GATM: variants seen among roughly 807,000 people sequenced by gnomAD.
The protein encoded by GATM is glycine amidinotransferase, mitochondrial.
GATM carries 23 observed loss-of-function variants against 54.2 expected under a neutral mutation model. The observed-to-expected ratio is 0.42, with a 90% confidence interval of 0.31 to 0.60. GATM has a LOEUF of 0.60. GATM is among the 20% of genes least tolerant of loss of function. The pLI is 0.14. For missense variants in GATM, 401 were observed against 544.9 expected, an observed-to-expected ratio of 0.74 and a Z score of 2.63; for synonymous variants, 168 against 183.1, an observed-to-expected ratio of 0.92 and a Z score of 0.67.
At chr15:45,386,556 T>A (rs1342712240) in intron 3 of GATM, among the ~76,000 whole-genome samples, 3 of 152,218 alleles carry the variant, frequency 2.0e-5, no homozygotes, top group African/African-American at 7.2e-5. Context: ...CGCTGTGATC[T>A]GGCAGAACAG....
upstream of GATM, chr15:45,378,676 C>T: frequency 2.5e-6 from 1 of 399,178 alleles, no homozygotes; most frequent in Non-Finnish European, 4.5e-6. Flanking sequence ...TCGGGAAGCG[C>T]CGCGGCCGCT....
chr15:45,393,684 T>C (rs933365187), intron 3 of GATM, among the ~76,000 whole-genome samples: 1 of 152,146 alleles, frequency 6.6e-6, no homozygotes, highest in African/African-American at 2.4e-5. Flanking sequence ...CCAGAAGTGT[T>C]TTGGACTTTG....
At chr15:45,397,395 G>A (rs1186852182) in intron 2 of GATM, 1 of 152,024 alleles carries the variant, frequency 6.6e-6, no homozygotes, top group Non-Finnish European at 1.5e-5. Flanking sequence ...GAGGGACGGA[G>A]GCTGGAAATT....
At chr15:45,371,172 C>G (rs1326028206) in intron 2 of GATM, among the ~76,000 whole-genome samples, 1 of 152,160 alleles carries the variant, frequency 6.6e-6, no homozygotes. Context: ...ATCATAAATA[C>G]ATTGAGAAAT....
upstream of GATM, chr15:45,379,619 C>T (rs1169125046): frequency 2.0e-5 from 3 of 152,258 alleles, no homozygotes; most frequent in Non-Finnish European, 4.4e-5. Context: ...ATAGAATTTA[C>T]TGTCCCTAGC....
In GATM at chr15:45,368,349, T is replaced by C. The variant is rs928672912; in HGVS notation, c.485-89A>G. On this transcript the variant is annotated intron_variant, in intron 3 of 8. Coordinates refer to ENST00000396659, the MANE Select transcript of GATM (RefSeq NM_001482.3). The surrounding 1 kb of genome is among the most constrained non-coding windows in gnomAD (Gnocchi z 5.1). ...ATATAGGGCCAGGCACAGTGGCTCATGCCTGTAATCCCACCACTTTGGGAG... is the reference window on the plus strand; with the variant it reads ...ATATAGGGCCAGGCACAGTGGCTCACGCCTGTAATCCCACCACTTTGGGAG... The C allele has an allele frequency of 5.3e-6, 6 of 1,128,414 alleles. No homozygotes were observed. Among genetic ancestry groups the C allele is most frequent in the Non-Finnish European group, 7.9e-6 (6 of 761,232 alleles). 69.9% of individuals were successfully genotyped at this position (1,128,414 alleles called of 1,614,324 possible). A position where few individuals can be genotyped will look rare whatever the true frequency, so the allele number is the denominator to read the frequency against.
At chr15:45,402,222 G>C (rs1311296738), upstream of GATM, 2 of 663,670 alleles carry the variant, frequency 3.0e-6, no homozygotes, top group Non-Finnish European at 4.7e-6. Flanking sequence ...TCGATTTCAC[G>C]AAAGCGGACA....
chr15:45,388,738 T>G (rs978675587), intron 3 of GATM, among the ~76,000 whole-genome samples: 2 of 152,232 alleles, frequency 1.3e-5, no homozygotes, highest in East Asian at 3.8e-4. Flanking sequence ...TCAGGTAGTA[T>G]GTAATATTCT....
chr15:45,374,341 G>A (rs749083682), intron 2 of GATM, among the ~76,000 whole-genome samples: 1 of 152,192 alleles, frequency 6.6e-6, no homozygotes, highest in Non-Finnish European at 1.5e-5. Flanking sequence ...TTCTGATTCT[G>A]TAAAATCGCA....
At chr15:45,387,909 A>G (rs1009735503) in intron 3 of GATM, among the ~76,000 whole-genome samples, 3 of 152,336 alleles carry the variant, frequency 2.0e-5, no homozygotes, top group East Asian at 1.9e-4. Flanking sequence ...TTTGGAAAAC[A>G]GACTTTGATT....
chr15:45,388,842 T>A (rs1316816847), intron 3 of GATM, among the ~76,000 whole-genome samples: 1 of 152,236 alleles, frequency 6.6e-6, no homozygotes, highest in Non-Finnish European at 1.5e-5. Context: ...TTCCTTTTCA[T>A]ACTTTATTCT....
At chr15:45,371,593 A>G (rs1169921958) in intron 2 of GATM, among the ~76,000 whole-genome samples, 1 of 152,208 alleles carries the variant, frequency 6.6e-6, no homozygotes, top group Non-Finnish European at 1.5e-5. Flanking sequence ...AAACAGGGCA[A>G]GTTCTCATAT....
rs1163045526 is a variant in GATM, at chr15:45,369,390, T to C, written c.420A>G (p.Thr140=). 1 of 1,614,200 alleles carries C rather than the reference T, an allele frequency of 6.2e-7. No homozygotes were observed. The highest frequency in any genetic ancestry group is 1.7e-5 in the Admixed American group (1 of 60,026). The part of the protein sequence containing the change: ...MCNILKTEGV[T]VRRPDPIDWS... The stretch of plus-strand genomic sequence containing the variant: ...AGTCAATGGGGTCAGGCCTCCTTAC[T>C]GTCACTCCTTCCGTTTTTAAAATAT... The change falls in exon 3 of 9, where the codon ACA becomes ACG. Residue 140 remains threonine, a synonymous_variant. Coordinates refer to ENST00000396659, the MANE Select transcript of GATM (RefSeq NM_001482.3).
At chr15:45,378,048 A>C (rs1889670416) in intron 1 of GATM, 3 of 266,246 alleles carry the variant, frequency 1.1e-5, no homozygotes, top group African/African-American at 2.2e-5. Context: ...CCGAGCGGGA[A>C]GCTTGGTGCA....
At chr15:45,369,789 T>C in intron 2 of GATM, 1 of 462,808 alleles carries the variant, frequency 2.2e-6, no homozygotes, top group Non-Finnish European at 3.9e-6. Context: ...TAACAGCATG[T>C]TTACCTTCAG....
At chr15:45,381,199 C>T (rs941554144), upstream of GATM, among the ~76,000 whole-genome samples, 3 of 152,040 alleles carry the variant, frequency 2.0e-5, no homozygotes, top group Non-Finnish European at 4.4e-5. Context: ...CCATTAAATA[C>T]TTTGATTGAA....
chr15:45,396,105 C>T (rs1289328532), intron 3 of GATM: 1 of 152,176 alleles, frequency 6.6e-6, no homozygotes, highest in Non-Finnish European at 1.5e-5. Context: ...ATCAAGGAAA[C>T]TCAGAGCAGG....
At chr15:45,363,305 A>G (rs1889397150) in intron 8 of GATM, among the ~76,000 whole-genome samples, 2 of 152,304 alleles carry the variant, frequency 1.3e-5, no homozygotes, top group South Asian at 4.1e-4. Flanking sequence ...AGCTCATATG[A>G]AAATCCTTTC....
At position 45,396,081 on chromosome 15, in the gene GATM, G is replaced by A. The variant is rs560374554; in HGVS notation, c.-319+841C>T. ...ACATAATACGATAACTGCTCTAAGAGGTACGCACAGGGTATCAAGGAAACT... is the reference window on the plus strand; with the variant it reads ...ACATAATACGATAACTGCTCTAAGAAGTACGCACAGGGTATCAAGGAAACT... On this transcript the variant is annotated intron_variant, in intron 3 of 4. Transcript: ENST00000561148. 3 of 152,304 alleles carry A rather than the reference G, an allele frequency of 2.0e-5. 1 individual carries two copies. The highest frequency in any genetic ancestry group is 7.2e-5 in the African/African-American group (3 of 41,566). The allele number at this position is 152,304 out of a possible 1,614,324, so 9.4% of individuals were successfully genotyped here.
Sources: allele counts gnomAD v4.1 joint callset (sites outside exome capture counted in the v4.1 genomes callset), GRCh38; gene constraint gnomAD v4.1.1; non-coding constraint Gnocchi (gnomAD v3.1); transcripts MANE v1.5; gene names NCBI Gene and HGNC (gene_info 2026-07-23, HGNC 2026-07-21).